Variants in SH3GL2 observed in about 807,000 individuals in gnomAD.
The protein encoded by SH3GL2 is SH3 domain containing GRB2 like 2, endophilin A1.
SH3GL2 carries 24 observed loss-of-function variants against 46.0 expected under a neutral mutation model. That is an observed-to-expected ratio of 0.52 (90% CI 0.38 to 0.73). The LOEUF (loss-of-function observed/expected upper bound fraction) is 0.73. Among genes scored for constraint, SH3GL2 ranks in the 30% least tolerant of loss-of-function variants. SH3GL2 has a pLI of 0.00. For missense variants in SH3GL2, 413 were observed against 424.2 expected (o/e 0.97, Z 0.23); for synonymous variants, 196 against 147.1 (o/e 1.33, Z -2.40).
At chr9:17,738,641 TAGAGAGAGAGAGAGAG>T (rs1554645334) in intron 1 of SH3GL2, among the ~76,000 whole-genome samples, 1 of 88,900 alleles carries the variant, frequency 1.1e-5, no homozygotes, top group Non-Finnish European at 2.3e-5. Context: ...TATATATATA[TAGAGAGAGAGAGAGAG>T]AGAGAGAGAG....
Position 17,787,607 on chromosome 9 carries a change from G to A in SH3GL2, c.465+94G>A, listed in dbSNP as rs566630972. On this transcript the variant is annotated intron_variant, in intron 5 of 8. Transcript: ENST00000380607. Reference sequence around the variant, plus strand: ...AGAAAACATTTTTTTAGCTTACCCTGTGTGTTGTCAGCTCTGGGCACGTTA... The same window carrying A: ...AGAAAACATTTTTTTAGCTTACCCTATGTGTTGTCAGCTCTGGGCACGTTA... 12 of 1,008,346 alleles carry A rather than the reference G, an allele frequency of 1.2e-5. No individual in the cohort carries two copies. In the African/African-American group the frequency reaches 1.8e-4, roughly 15 times the overall value. 62.5% of individuals were successfully genotyped at this position (1,008,346 alleles called of 1,614,324 possible).
chr9:17,633,384 T>G (rs1345420310), intron 1 of SH3GL2, among the ~76,000 whole-genome samples: 2 of 152,194 alleles, frequency 1.3e-5, no homozygotes, highest in Non-Finnish European at 2.9e-5. Flanking sequence ...CGTTAAAAAG[T>G]CATCCATGTA....
At chr9:17,790,113 G>A (rs1824081029) in intron 6 of SH3GL2, among the ~76,000 whole-genome samples, 1 of 152,182 alleles carries the variant, frequency 6.6e-6, no homozygotes, top group African/African-American at 2.4e-5. Context: ...CTAGAGCTGT[G>A]ACATCCAAAG....
At chr9:17,782,129 A>G (rs995101175) in intron 3 of SH3GL2, among the ~76,000 whole-genome samples, 7 of 152,202 alleles carry the variant, frequency 4.6e-5, no homozygotes, top group Admixed American at 1.3e-4. Flanking sequence ...ACTATATTCA[A>G]CCAGGCAGTG....
intron 5 of SH3GL2, among the ~76,000 whole-genome samples, chr9:17,787,920 A>G (rs936169841): frequency 1.3e-5 from 2 of 152,126 alleles, no homozygotes; most frequent in Admixed American, 6.5e-5. Flanking sequence ...GCATAAGCAC[A>G]TATTTTTATT....
intron 1 of SH3GL2, among the ~76,000 whole-genome samples, chr9:17,686,382 G>A (rs1253701044): frequency 3.0e-5 from 4 of 133,868 alleles, no homozygotes; most frequent in South Asian, 2.6e-4. Flanking sequence ...TCGGTGTGGC[G>A]ATTCCTCAGG....
chr9:17,738,985 C>G (rs558695265), intron 1 of SH3GL2, among the ~76,000 whole-genome samples: 66 of 152,168 alleles, frequency 4.3e-4, no homozygotes, highest in African/African-American at 1.5e-3. Context: ...TGTAGACTTG[C>G]GAAGTTGATG....
At chr9:17,666,578 G>GTATATA (rs1554636866) in intron 1 of SH3GL2, among the ~76,000 whole-genome samples, 44 of 148,240 alleles carry the variant, frequency 3.0e-4, no homozygotes, top group East Asian at 8.1e-4. Flanking sequence ...GTGTGTGTGT[G>GTATATA]TATATACATT....
At chr9:17,715,128 A>T (rs1324446375) in intron 1 of SH3GL2, among the ~76,000 whole-genome samples, 1 of 146,188 alleles carries the variant, frequency 6.8e-6, no homozygotes, top group Non-Finnish European at 1.5e-5. Flanking sequence ...TTTTTTCTCT[A>T]GCTGGTATTT....
At chr9:17,667,428 C>G (rs1387879842) in intron 1 of SH3GL2, among the ~76,000 whole-genome samples, 3 of 152,132 alleles carry the variant, frequency 2.0e-5, no homozygotes, top group Non-Finnish European at 4.4e-5. Flanking sequence ...AGGGATTTGA[C>G]TACTGTTTTT....
chr9:17,790,356 G>A (rs182591270), intron 6 of SH3GL2: 1 of 758,754 alleles, frequency 1.3e-6, no homozygotes, highest in East Asian at 1.3e-4. Context: ...CCTTAATCTA[G>A]TCAAGTTGTC....
chr9:17,672,978 C>T (rs1332248779), intron 1 of SH3GL2, among the ~76,000 whole-genome samples: 1 of 152,168 alleles, frequency 6.6e-6, no homozygotes, highest in Non-Finnish European at 1.5e-5. Context: ...GCCTGCTCTG[C>T]TCTGTCATGT....
At chr9:17,662,917 G>T (rs1030684154) in intron 1 of SH3GL2, among the ~76,000 whole-genome samples, 3 of 152,072 alleles carry the variant, frequency 2.0e-5, no homozygotes, top group Non-Finnish European at 1.5e-5. Context: ...TGCCATGTTG[G>T]CCAGGCTGGT....
At chr9:17,617,837 A>G (rs1486909200) in intron 1 of SH3GL2, among the ~76,000 whole-genome samples, 1 of 152,062 alleles carries the variant, frequency 6.6e-6, no homozygotes, top group Admixed American at 6.5e-5. Flanking sequence ...GTATGTCAGG[A>G]CCATCTTCTG....
At chr9:17,727,312 G>A (rs917459289) in intron 1 of SH3GL2, among the ~76,000 whole-genome samples, 1 of 152,182 alleles carries the variant, frequency 6.6e-6, no homozygotes, top group Non-Finnish European at 1.5e-5. Flanking sequence ...TATGTAAAGT[G>A]TGTAGGCTGT....
intron 1 of SH3GL2, among the ~76,000 whole-genome samples, chr9:17,607,741 A>G (rs1311480399): frequency 6.6e-6 from 1 of 152,236 alleles, no homozygotes; most frequent in Non-Finnish European, 1.5e-5. Flanking sequence ...TTGAATGGCT[A>G]AAAATTCCAG....
chr9:17,624,405 A>G (rs1161136271), intron 1 of SH3GL2, among the ~76,000 whole-genome samples: 1 of 152,222 alleles, frequency 6.6e-6, no homozygotes, highest in African/African-American at 2.4e-5. Context: ...ATTGATGATT[A>G]TTACTGGGTC....
intron 1 of SH3GL2, among the ~76,000 whole-genome samples, chr9:17,656,044 A>G (rs903225354): frequency 2.0e-5 from 3 of 152,198 alleles, no homozygotes; most frequent in Admixed American, 1.3e-4. Flanking sequence ...TTGGAGTGAA[A>G]GAACTGAAAA....
At chr9:17,700,682 C>T (rs1220488642) in intron 1 of SH3GL2, among the ~76,000 whole-genome samples, 4 of 152,086 alleles carry the variant, frequency 2.6e-5, no homozygotes, top group Non-Finnish European at 2.9e-5. Context: ...TGATTTCTAA[C>T]GTCTCCTAGA....
Sources: allele counts gnomAD v4.1 joint callset (sites outside exome capture counted in the v4.1 genomes callset), GRCh38; gene constraint gnomAD v4.1.1; transcripts MANE v1.5; gene names NCBI Gene and HGNC (gene_info 2026-07-23, HGNC 2026-07-21).